The following PPIP5K2 variants were observed in gnomAD, a reference collection of about 807,000 sequenced individuals.
PPIP5K2 encodes inositol hexakisphosphate and diphosphoinositol-pentakisphosphate kinase 2.
PPIP5K2 carries 105 observed loss-of-function variants against 154.6 expected under a neutral mutation model. The ratio of observed to expected loss-of-function variants is 0.68; its 90% confidence interval spans 0.58 to 0.80. PPIP5K2 has a LOEUF of 0.80. Among genes scored for constraint, PPIP5K2 ranks in the 30% least tolerant of loss-of-function variants. The pLI, the probability that PPIP5K2 is intolerant of heterozygous loss-of-function variation, is 0.00. For synonymous variants in PPIP5K2, 480 were observed against 490.3 expected (o/e 0.98, Z 0.28); for missense variants, 992 against 1,504.6 (o/e 0.66, Z 5.64).
chr5:103,194,744 A>T (rs1422854480), intron 29 of PPIP5K2, 156 bp from the exon 30 acceptor site: 2 of 701,634 alleles, frequency 2.9e-6, no homozygotes, highest in African/African-American at 1.8e-5. Flanking sequence ...CTATCTTTTT[A>T]TTAAAAAAAG....
chr5:103,203,354 T>G lies in PPIP5K2; in HGVS notation c.*1720T>G, dbSNP rs544801070. ...GGCTATATACATAGCAATATATTAC[T>G]TTCCAAACTAGAAAGTACAGTACAA... is the stretch of plus-strand genomic sequence containing the variant. On this transcript the variant is annotated 3_prime_UTR_variant, in exon 31 of 31. Coordinates refer to ENST00000358359, the MANE Select transcript of PPIP5K2 (RefSeq NM_001276277.3). 3 of 152,316 alleles carry G rather than the reference T, an allele frequency of 2.0e-5. No individual in the cohort carries two copies. The South Asian group carries it at 6.2e-4, about 32-fold the overall frequency. The allele number at this position is 152,316 out of a possible 1,614,324, so 9.4% of individuals were successfully genotyped here.
chr5:103,136,983 GA>G (rs1791605448), intron 4 of PPIP5K2, among the ~76,000 whole-genome samples, 161 bp downstream of exon 4: 1 of 152,048 alleles, frequency 6.6e-6, no homozygotes, highest in Non-Finnish European at 1.5e-5. Context: ...TACAGATGAG[GA>G]ATCTTGATAA....
intron 28 of PPIP5K2, 69 bp downstream of exon 28, chr5:103,187,445 A>C (rs1254684253): frequency 1.6e-6 from 2 of 1,224,482 alleles, no homozygotes; most frequent in Non-Finnish European, 2.3e-6. Flanking sequence ...TTTTATTTCA[A>C]AATGTGGGGT....
intron 27 of PPIP5K2, 108 bp downstream of exon 27, chr5:103,186,547 C>A (rs1554225157): frequency 1.5e-5 from 22 of 1,484,058 alleles, no homozygotes; most frequent in Non-Finnish European, 1.8e-5. Flanking sequence ...CGAGTGAAAT[C>A]CTGTCATCTT....
chr5:103,181,306 G>A (rs1234132546), intron 24 of PPIP5K2, among the ~76,000 whole-genome samples: 1 of 152,126 alleles, frequency 6.6e-6, no homozygotes, highest in African/African-American at 2.4e-5. Flanking sequence ...GGTGGCTCAT[G>A]CCTGTAAACC....
chr5:103,191,193 AAAAAAAC>A (rs1251855589), intron 29 of PPIP5K2: 20 of 391,402 alleles, frequency 5.1e-5, no homozygotes, highest in South Asian at 1.0e-4. Flanking sequence ...TTCTTACCAA[AAAAAAAC>A]AAAAAACAAA....
intron 24 of PPIP5K2, among the ~76,000 whole-genome samples, chr5:103,181,092 T>C (rs1799464663): frequency 6.6e-6 from 1 of 152,140 alleles, no homozygotes; most frequent in Non-Finnish European, 1.5e-5. Context: ...TAAAGTAACA[T>C]TTAAAAGGAA....
chr5:103,137,537 A>G (rs1431251489), intron 4 of PPIP5K2, among the ~76,000 whole-genome samples: 1 of 152,188 alleles, frequency 6.6e-6, no homozygotes, highest in African/African-American at 2.4e-5. Context: ...CATTCATTTA[A>G]CAGGTAAAAA....
At position 103,158,209 on chromosome 5, in the gene PPIP5K2, C is replaced by G. The variant is rs781953978; in HGVS notation, c.1511C>G (p.Ser504Cys). 6.2e-6 allele frequency: 10 copies of G among 1,613,212 alleles called. No homozygotes were observed. The highest frequency in any genetic ancestry group is 8.5e-7 in the Non-Finnish European group (1 of 1,179,288). Residue 504 changes from serine to cysteine, a missense_variant, in exon 15 of 31, where the codon TCT (serine) becomes TGT (cysteine). Physicochemically the swap from Ser to Cys is moderately radical, Grantham distance 112. This residue lies in a region of PPIP5K2 where 163 missense variants were observed against 285.2 expected (regional missense o/e 0.57). Transcript: ENST00000358359. Reference protein sequence around the residue: ...EEEDSRREEPSLLLVLKWGGE... With the variant: ...EEEDSRREEPCLLLVLKWGGE... The stretch of plus-strand genomic sequence containing the variant: ...ATAGACAGCCGAAGAGAAGAACCAT[C>G]TTTACTTTTGGTTCTAAAATGGGGA...
Position 103,211,578 on chromosome 5 carries a change from T to G in PPIP5K2, c.*9944T>G, listed in dbSNP as rs1803810072. The G allele has an allele frequency of 6.6e-6, 1 of 152,100 alleles. No individual in the cohort carries two copies. The allele number at this position is 152,100 out of a possible 1,614,324, so 9.4% of individuals were successfully genotyped here. On this transcript the variant is annotated 3_prime_UTR_variant, in exon 31 of 31. Transcript: ENST00000358359. ...GAGAACTCCCAGGTAAACACACAGGTAGCCCCTTCTAAAATGCAAATGCCC... is the reference window on the plus strand; with the variant it reads ...GAGAACTCCCAGGTAAACACACAGGGAGCCCCTTCTAAAATGCAAATGCCC...
At position 103,181,388 on chromosome 5, in the gene PPIP5K2, T is replaced by C. The variant is rs192360697; in HGVS notation, c.2922+1200T>C. Among the ~76,000 whole-genome samples the C allele has an allele frequency of 1.4e-3, 220 of 151,908 alleles. 4 individuals carry two copies. Among genetic ancestry groups the C allele is most frequent in the Non-Finnish European group, 8.4e-4 (57 of 67,916 alleles). ...TTCGAGAGCAGCCTGGCCAATATGGTGAAACCCCGTCTCTACTAAAAATAT... is the reference window on the plus strand; with the variant it reads ...TTCGAGAGCAGCCTGGCCAATATGGCGAAACCCCGTCTCTACTAAAAATAT... On this transcript the variant is annotated intron_variant, in intron 24 of 30. Transcript: ENST00000358359.
chr5:103,158,115 GA>G, intron 14 of PPIP5K2, 72 bp from the exon 15 acceptor site: 1 of 1,500,494 alleles, frequency 6.7e-7, no homozygotes, highest in South Asian at 1.2e-5. Flanking sequence ...AGAGCACAGA[GA>G]AAAAAATGAA....
rs1790818783 is a variant in PPIP5K2, at chr5:103,132,592, T to G, written c.115-861T>G. ...AATTCTGATGTTATCCAATTTTATT[T>G]TTAGTTATATTAAGAAAAAGCCCAG... On this transcript the variant is annotated intron_variant, in intron 2 of 30. Coordinates refer to ENST00000358359, the MANE Select transcript of PPIP5K2 (RefSeq NM_001276277.3). Among the ~76,000 whole-genome samples, 3 of 152,174 alleles carry G rather than the reference T, an allele frequency of 2.0e-5. No individual in the cohort carries two copies. In the South Asian group the frequency reaches 6.2e-4, roughly 31 times the overall value.
At chr5:103,159,469 T>C (rs929609809) in intron 17 of PPIP5K2, 141 bp downstream of exon 17, 17 of 763,486 alleles carry the variant, frequency 2.2e-5, no homozygotes, top group Non-Finnish European at 3.2e-5. Flanking sequence ...AAATAGAACA[T>C]TGGAACAACT....
At chr5:103,148,207 CTT>C (rs1554209935) in intron 7 of PPIP5K2, 175 bp downstream of exon 7, 2 of 663,214 alleles carry the variant, frequency 3.0e-6, no homozygotes, top group South Asian at 3.3e-5. Context: ...CCTATGGACT[CTT>C]TTTTAAGAGT....
At chr5:103,141,028 A>T (rs1340363741) in intron 5 of PPIP5K2, among the ~76,000 whole-genome samples, 3 of 151,756 alleles carry the variant, frequency 2.0e-5, no homozygotes, top group African/African-American at 7.3e-5. Flanking sequence ...ATAGAAAAAG[A>T]CGTTAAAAAT....
intron 1 of PPIP5K2, among the ~76,000 whole-genome samples, chr5:103,128,386 CTTAT>C (rs10607990): frequency 0.29 from 43,043 of 148,192 alleles, 6,396 homozygotes; most frequent in East Asian, 0.45. Flanking sequence ...TCTTATAGTT[CTTAT>C]TTATTTATTT....
intron 17 of PPIP5K2, among the ~76,000 whole-genome samples, chr5:103,162,787 G>T (rs1274715033): frequency 6.6e-6 from 1 of 151,936 alleles, no homozygotes; most frequent in African/African-American, 2.4e-5. Flanking sequence ...GAGGCCATAA[G>T]ATATATATAT....
intron 17 of PPIP5K2, 92 bp from the exon 18 acceptor site, chr5:103,167,087 C>A: frequency 1.0e-6 from 1 of 976,480 alleles, no homozygotes; most frequent in South Asian, 2.9e-5. Context: ...TGGAATTATT[C>A]TCCAGCTACT....
Sources: allele counts gnomAD v4.1 joint callset (sites outside exome capture counted in the v4.1 genomes callset), GRCh38; gene constraint gnomAD v4.1.1; regional missense constraint gnomAD v4.1.1; transcripts MANE v1.5; gene names NCBI Gene and HGNC (gene_info 2026-07-23, HGNC 2026-07-21).